ROBO1: variants seen among roughly 807,000 people sequenced by gnomAD.
ROBO1 encodes the protein roundabout guidance receptor 1, also known as roundabout homolog 1.
Under a neutral mutation model 195.9 loss-of-function variants are expected in ROBO1, and 149 were observed. That is an observed-to-expected ratio of 0.76 (90% CI 0.67 to 0.87). The LOEUF (loss-of-function observed/expected upper bound fraction) is 0.87. ROBO1 is among the 40% of genes least tolerant of loss of function. ROBO1 has a pLI of 0.00. For missense variants in ROBO1, 1,933 were observed against 2,068.3 expected, an observed-to-expected ratio of 0.93 and a Z score of 1.27; for synonymous variants, 816 against 733.2, an observed-to-expected ratio of 1.11 and a Z score of -1.82.
chr3:78,889,300 A>G (rs188296768), intron 4 of ROBO1, among the ~76,000 whole-genome samples: 16 of 152,340 alleles, frequency 1.1e-4, no homozygotes, highest in Non-Finnish European at 2.2e-4. Context: ...CATATGCCAG[A>G]GGAACATGTC....
intron 2 of ROBO1, among the ~76,000 whole-genome samples, chr3:79,424,732 C>G (rs1051208217): frequency 6.6e-6 from 1 of 152,200 alleles, no homozygotes; most frequent in Non-Finnish European, 1.5e-5. Flanking sequence ...AGAATGTAAC[C>G]TTCTCTGGAT....
At chr3:79,027,442 C>G (rs527890435) in intron 3 of ROBO1, among the ~76,000 whole-genome samples, 5 of 151,832 alleles carry the variant, frequency 3.3e-5, no homozygotes, top group South Asian at 2.1e-4. Flanking sequence ...TATGGGAAAG[C>G]CTCACATTTG....
intron 8 of ROBO1, among the ~76,000 whole-genome samples, chr3:78,696,560 A>C (rs2107900068): frequency 6.6e-6 from 1 of 151,822 alleles, no homozygotes; most frequent in East Asian, 1.9e-4. Flanking sequence ...TACAAAATAC[A>C]TTTGATTTTA....
intron 4 of ROBO1, among the ~76,000 whole-genome samples, chr3:78,830,331 T>C (rs780058956): frequency 6.6e-6 from 1 of 152,206 alleles, no homozygotes; most frequent in African/African-American, 2.4e-5. Context: ...TGAACACAGA[T>C]GTATGTTGCA....
At position 78,977,801 on chromosome 3, in the gene ROBO1, A is replaced by T. The variant is rs1192978644; in HGVS notation, c.173-38874T>A. 4.6e-5 allele frequency among the ~76,000 whole-genome samples: 7 copies of T among 152,072 alleles called. No individual in the cohort carries two copies. In the East Asian group the frequency reaches 1.3e-3, roughly 29 times the overall value. ...ACTACTGCTCACACTGGTAATTAGG[A>T]TCACTTAGGACCTTACTGAAACTCT... On this transcript the variant is annotated intron_variant, in intron 3 of 30. Coordinates refer to ENST00000464233, the MANE Select transcript of ROBO1 (RefSeq NM_002941.4).
intron 10 of ROBO1, among the ~76,000 whole-genome samples, chr3:78,672,308 T>C (rs9309811): frequency 0.29 from 43,387 of 151,962 alleles, 6,596 homozygotes; most frequent in African/African-American, 0.39. Context: ...GGCCGGGCAC[T>C]GGGGCTCACG....
At chr3:78,980,493 C>T (rs563666756) in intron 3 of ROBO1, among the ~76,000 whole-genome samples, 1 of 152,292 alleles carries the variant, frequency 6.6e-6, no homozygotes, top group East Asian at 1.9e-4. Flanking sequence ...GCATTCTTTT[C>T]CAACAGGAGA....
chr3:78,681,731 G>A (rs1322469430), intron 10 of ROBO1, among the ~76,000 whole-genome samples: 2 of 152,036 alleles, frequency 1.3e-5, no homozygotes, highest in African/African-American at 4.8e-5. Context: ...GGTGAAACCC[G>A]TCTCTACTAA....
At chr3:79,352,413 C>T (rs2035379019) in intron 2 of ROBO1, among the ~76,000 whole-genome samples, 1 of 152,200 alleles carries the variant, frequency 6.6e-6, no homozygotes, top group African/African-American at 2.4e-5. Context: ...GTGTCTTACA[C>T]AACTATAATG....
intron 1 of ROBO1, among the ~76,000 whole-genome samples, chr3:79,761,233 G>C (rs1046116810): frequency 6.7e-6 from 1 of 149,636 alleles, no homozygotes. Context: ...AACTGTACCC[G>C]AAGCAACTTG....
chr3:79,749,679 T>C (rs1576316309), intron 1 of ROBO1, among the ~76,000 whole-genome samples: 1 of 152,134 alleles, frequency 6.6e-6, no homozygotes, highest in Admixed American at 6.5e-5. Flanking sequence ...CTTCAGAGGG[T>C]GCAAGCCCCA....
intron 26 of ROBO1, among the ~76,000 whole-genome samples, chr3:78,619,600 C>A (rs938748162): frequency 1.3e-5 from 2 of 151,744 alleles, no homozygotes; most frequent in African/African-American, 2.4e-5. Context: ...GAGAATGCAC[C>A]TGGCAGAGGC....
intron 2 of ROBO1, among the ~76,000 whole-genome samples, chr3:79,578,422 C>T (rs1943561740): frequency 1.3e-5 from 2 of 152,046 alleles, no homozygotes; most frequent in South Asian, 4.1e-4. Context: ...GTAATATTGC[C>T]TTCTCATTAG....
At chr3:79,287,126 C>T (rs997952855) in intron 2 of ROBO1, among the ~76,000 whole-genome samples, 2 of 152,106 alleles carry the variant, frequency 1.3e-5, no homozygotes, top group Non-Finnish European at 2.9e-5. Context: ...ACACTAAATT[C>T]TTCAGTTTGT....
intron 3 of ROBO1, among the ~76,000 whole-genome samples, chr3:79,057,058 A>G (rs1325235270): frequency 1.3e-5 from 2 of 152,068 alleles, no homozygotes; most frequent in African/African-American, 2.4e-5. Flanking sequence ...GGCAATAATT[A>G]TCCAGAAAAC....
At chr3:79,247,699 GTGC>G (rs2082649927) in intron 2 of ROBO1, among the ~76,000 whole-genome samples, 1 of 151,976 alleles carries the variant, frequency 6.6e-6, no homozygotes, top group Non-Finnish European at 1.5e-5. Flanking sequence ...TTAATACTTT[GTGC>G]TACAACGCTC....
intron 2 of ROBO1, among the ~76,000 whole-genome samples, chr3:79,162,024 T>C (rs1040140107): frequency 6.6e-6 from 1 of 152,162 alleles, no homozygotes; most frequent in Non-Finnish European, 1.5e-5. Flanking sequence ...TTGAGTAATT[T>C]CTTTCCTTCC....
In ROBO1 at chr3:79,767,930, C is replaced by T. The variant is rs1465492857; in HGVS notation, c.-229G>A. ...TCGGGTTTCTTCTCTGTATCAGCAC[C>T]CTGGAAAAATTCAATCCTTCTTCAG... On this transcript the variant is annotated 5_prime_UTR_variant, in exon 1 of 31. Coordinates refer to ENST00000464233, the MANE Select transcript of ROBO1 (RefSeq NM_002941.4). 1 of 152,140 alleles carries T rather than the reference C, an allele frequency of 6.6e-6. No homozygotes were observed. The highest frequency in any genetic ancestry group is 6.5e-5 in the Admixed American group (1 of 15,278). 9.4% of individuals were successfully genotyped at this position (152,140 alleles called of 1,614,324 possible).
intron 2 of ROBO1, among the ~76,000 whole-genome samples, chr3:79,275,059 AG>A (rs2030915128): frequency 6.6e-6 from 1 of 152,022 alleles, no homozygotes; most frequent in African/African-American, 2.4e-5. Context: ...AAACATTTAA[AG>A]AACTAATACC....
Sources: gnomAD v4.1 joint callset for allele counts (sites outside exome capture counted in the v4.1 genomes callset) on GRCh38, gnomAD v4.1.1 for gene constraint, MANE v1.5 for transcripts, NCBI Gene and HGNC (gene_info 2026-07-23, HGNC 2026-07-21) for gene names.